CDK14: variants seen among roughly 807,000 people sequenced by gnomAD.
CDK14 encodes the protein cyclin-dependent kinase 14.
CDK14 carries 34 observed loss-of-function variants against 60.7 expected under a neutral mutation model. That is an observed-to-expected ratio of 0.56 (90% CI 0.43 to 0.75). CDK14 has a LOEUF of 0.75. CDK14 is among the 30% of genes least tolerant of loss of function. The pLI, the probability that CDK14 is intolerant of heterozygous loss-of-function variation, is 0.00. For missense variants in CDK14, 482 were observed against 564.1 expected, an observed-to-expected ratio of 0.85 and a Z score of 1.47; for synonymous variants, 197 against 203.7, an observed-to-expected ratio of 0.97 and a Z score of 0.28.
intron 6 of CDK14, among the ~76,000 whole-genome samples, chr7:90,892,479 A>G (rs566167937): frequency 6.6e-6 from 1 of 152,220 alleles, no homozygotes; most frequent in East Asian, 1.9e-4. Context: ...GAAAATGCCT[A>G]TTAGTAAAAT....
chr7:91,184,158 T>C (rs1219192709), intron 14 of CDK14, among the ~76,000 whole-genome samples: 1 of 127,864 alleles, frequency 7.8e-6, no homozygotes, highest in African/African-American at 3.0e-5. Context: ...TGAGCCGAGA[T>C]TGCACCACTG....
At chr7:90,877,072 T>C (rs1300072421) in intron 6 of CDK14, among the ~76,000 whole-genome samples, 1 of 152,220 alleles carries the variant, frequency 6.6e-6, no homozygotes. Flanking sequence ...TGATTTGTTA[T>C]GATTTTGAGA....
chr7:90,894,405 G>A (rs1792232271), intron 6 of CDK14, among the ~76,000 whole-genome samples: 1 of 152,154 alleles, frequency 6.6e-6, no homozygotes, highest in Non-Finnish European at 1.5e-5. Flanking sequence ...GATGATGTGT[G>A]CGCATACACA....
intron 14 of CDK14, among the ~76,000 whole-genome samples, chr7:91,176,650 A>G (rs551451396): frequency 6.6e-6 from 1 of 152,286 alleles, no homozygotes; most frequent in East Asian, 1.9e-4. Context: ...CCACAGAAAT[A>G]CAAACTACCA....
intron 14 of CDK14, among the ~76,000 whole-genome samples, chr7:91,201,696 G>T (rs936902204): frequency 3.3e-5 from 5 of 152,196 alleles, no homozygotes; most frequent in Non-Finnish European, 4.4e-5. Context: ...GTAGTGGTGT[G>T]TGTGTGTATG....
At chr7:90,619,387 G>C (rs927094848) in intron 2 of CDK14, among the ~76,000 whole-genome samples, 2 of 152,128 alleles carry the variant, frequency 1.3e-5, no homozygotes, top group Non-Finnish European at 2.9e-5. Flanking sequence ...AAAACTCAAA[G>C]ATTACATTTG....
intron 2 of CDK14, among the ~76,000 whole-genome samples, chr7:90,677,737 A>C (rs1801230788): frequency 6.6e-6 from 1 of 151,892 alleles, no homozygotes; most frequent in Non-Finnish European, 1.5e-5. Flanking sequence ...TCTGAAGTTG[A>C]TGTTTTGGTG....
chr7:90,972,433 G>A (rs1359002296), intron 9 of CDK14, among the ~76,000 whole-genome samples: 2 of 152,158 alleles, frequency 1.3e-5, no homozygotes, highest in Non-Finnish European at 2.9e-5. Context: ...TACAGAAAAA[G>A]GTCACTTTTT....
At chr7:91,139,417 T>A (rs1800377027) in intron 14 of CDK14, among the ~76,000 whole-genome samples, 1 of 152,136 alleles carries the variant, frequency 6.6e-6, no homozygotes, top group Non-Finnish European at 1.5e-5. Flanking sequence ...ATAAAATGCA[T>A]TTTTTCTAGT....
At chr7:91,030,765 T>G (rs184745200) in intron 10 of CDK14, among the ~76,000 whole-genome samples, 1 of 152,242 alleles carries the variant, frequency 6.6e-6, no homozygotes, top group African/African-American at 2.4e-5. Flanking sequence ...TCCACTAGAG[T>G]TCTTGTCACT....
At chr7:91,081,540 T>G (rs1798483931) in intron 12 of CDK14, among the ~76,000 whole-genome samples, 1 of 152,198 alleles carries the variant, frequency 6.6e-6, no homozygotes, top group Non-Finnish European at 1.5e-5. Context: ...CAAAATTAAG[T>G]AACAATGCTT....
At chr7:91,060,447 T>G (rs1057013860) in intron 11 of CDK14, among the ~76,000 whole-genome samples, 8 of 152,186 alleles carry the variant, frequency 5.3e-5, no homozygotes, top group African/African-American at 1.9e-4. Flanking sequence ...GTCATTATGA[T>G]GTTAGCTGGT....
chr7:90,639,565 C>T (rs1418906010), intron 2 of CDK14, among the ~76,000 whole-genome samples: 1 of 151,898 alleles, frequency 6.6e-6, no homozygotes, highest in Admixed American at 6.6e-5. Flanking sequence ...AGTTAGGCTG[C>T]TCGGGGGTCA....
At chr7:90,596,771 G>T (rs959822037) in intron 1 of CDK14, 53 bp downstream of exon 1, 16 of 1,440,746 alleles carry the variant, frequency 1.1e-5, no homozygotes, top group East Asian at 2.3e-5. Flanking sequence ...CTCGGCCTGC[G>T]CCCCCGCCGC....
intron 6 of CDK14, among the ~76,000 whole-genome samples, chr7:90,879,514 T>C (rs1411791884): frequency 6.6e-6 from 1 of 151,978 alleles, no homozygotes; most frequent in Admixed American, 6.6e-5. Context: ...CCATAATAAG[T>C]GTGTGAATCC....
chr7:90,963,565 G>A (rs1025349217), intron 9 of CDK14, among the ~76,000 whole-genome samples: 6 of 151,810 alleles, frequency 4.0e-5, no homozygotes, highest in Non-Finnish European at 5.9e-5. Context: ...TAACAAAAAC[G>A]GAAAGGGAGA....
intron 14 of CDK14, among the ~76,000 whole-genome samples, chr7:91,124,030 G>T (rs1291691235): frequency 6.6e-6 from 1 of 151,938 alleles, no homozygotes; most frequent in African/African-American, 2.4e-5. Context: ...AGGACTACAG[G>T]TGCGCACCAC....
intron 2 of CDK14, among the ~76,000 whole-genome samples, chr7:90,619,773 A>G (rs1254578401): frequency 2.6e-5 from 4 of 152,210 alleles, no homozygotes; most frequent in East Asian, 1.9e-4. Context: ...AGGTGGGCGC[A>G]TTGCTTGAGG....
chr7:91,034,537 T>C (rs929837172), intron 10 of CDK14, among the ~76,000 whole-genome samples: 1 of 152,116 alleles, frequency 6.6e-6, no homozygotes, highest in African/African-American at 2.4e-5. Flanking sequence ...CTTTGCAATG[T>C]TGAAAACTCT....
Sources: gnomAD v4.1 joint callset for allele counts (sites outside exome capture counted in the v4.1 genomes callset) on GRCh38, gnomAD v4.1.1 for gene constraint, MANE v1.5 for transcripts, NCBI Gene and HGNC (gene_info 2026-07-23, HGNC 2026-07-21) for gene names.